HSPA9: variants seen among roughly 807,000 people sequenced by gnomAD.
HSPA9 encodes heat shock protein family A (Hsp70) member 9.
Under a neutral mutation model 81.5 loss-of-function variants are expected in HSPA9, and 28 were observed. The ratio of observed to expected loss-of-function variants is 0.34; its 90% CI spans 0.25 to 0.47. HSPA9 has a LOEUF of 0.47. HSPA9 is among the 20% of genes least tolerant of loss of function. The pLI is 1.00. For synonymous variants in HSPA9, 293 were observed against 290.4 expected, an observed-to-expected ratio of 1.01 and a Z score of -0.09; for missense variants, 678 against 838.0, an observed-to-expected ratio of 0.81 and a Z score of 2.36.
intron 5 of HSPA9, among the ~76,000 whole-genome samples, chr5:138,568,588 C>T (rs1750815253): frequency 6.6e-6 from 1 of 152,176 alleles, no homozygotes; most frequent in Non-Finnish European, 1.5e-5. Context: ...GTTCACTAAA[C>T]TACAATGACC....
rs774116913 is a variant in HSPA9, at chr5:138,557,986, T to G, written c.1516A>C (p.Ile506Leu). 1.3e-5 allele frequency: 21 copies of G among 1,587,638 alleles called. No individual in the cohort carries two copies. The highest frequency in any genetic ancestry group is 1.8e-5 in the Non-Finnish European group (21 of 1,156,586). Reference sequence around the variant, plus strand: ...CCACGAGGGGCTGGTGGAATTCCAATCTAAAATAAATAATATCCAGAGTAA... The same window carrying G: ...CCACGAGGGGCTGGTGGAATTCCAAGCTAAAATAAATAATATCCAGAGTAA... ...DNKLLGQFTL[I>L]GIPPAPRGVP... Residue 506 changes from isoleucine to leucine, a missense_variant and splice_region_variant, in exon 13 of 17, where the codon ATT becomes CTT. By Grantham distance (5) the Ile-to-Leu change is conservative. Around this residue, in one of 4 missense-constraint regions of HSPA9, gnomAD observed 484 missense variants for 647.5 expected, o/e 0.75. Coordinates refer to ENST00000297185, the MANE Select transcript of HSPA9 (RefSeq NM_004134.7).
chr5:138,562,512 C>A (rs964852460), intron 9 of HSPA9, among the ~76,000 whole-genome samples: 32 of 151,912 alleles, frequency 2.1e-4, no homozygotes, highest in Non-Finnish European at 4.3e-4. Flanking sequence ...GATTGTGCCA[C>A]TGCACTCCAG....
rs1348943024 is a variant in HSPA9 at position 138,573,804 on chromosome 5, T to C, written c.187A>G (p.Thr63Ala). 2 of 1,613,642 alleles carry C rather than the reference T, an allele frequency of 1.2e-6. No individual in the cohort carries two copies. Among genetic ancestry groups the C allele is most frequent in the Non-Finnish European group, 8.5e-7 (1 of 1,179,640 alleles). The change falls in exon 3 of 17, where the codon ACC becomes GCC. Residue 63 changes from threonine to alanine, a missense_variant. By Grantham distance (58) the Thr-to-Ala change is moderately conservative (BLOSUM62 0). Coordinates refer to ENST00000297185, the MANE Select transcript of HSPA9 (RefSeq NM_004134.7). ...TCCATAACTGCCACGCAGGAGTTGGTAGTACCCAAATCAATACCAACAACT... is the reference window on the plus strand; with the variant it reads ...TCCATAACTGCCACGCAGGAGTTGGCAGTACCCAAATCAATACCAACAACT... ...GAVVGIDLGT[T>A]NSCVAVMEGK...
Position 138,554,751 on chromosome 5 carries a change from CTT to C in HSPA9, c.*1284_*1285del, listed in dbSNP as rs989052577. On this transcript the variant is annotated 3_prime_UTR_variant, in exon 17 of 17. Transcript: ENST00000297185. The stretch of plus-strand genomic sequence containing the variant: ...AACATAAGGGAAATGTGCTGGAAGA[CTT>C]TTGGGAAATCTTAACATTGAATAAA... 2 of 152,162 alleles carry C rather than the reference CTT, an allele frequency of 1.3e-5. No individual in the cohort carries two copies. The highest frequency in any genetic ancestry group is 2.4e-5 in the African/African-American group (1 of 41,440). 9.4% of individuals were successfully genotyped at this position (152,162 alleles called of 1,614,324 possible). A position where few individuals can be genotyped will look rare whatever the true frequency, so the allele number is the denominator to read the frequency against.
intron 4 of HSPA9, among the ~76,000 whole-genome samples, chr5:138,569,626 CCAGT>C (rs966183594): frequency 4.8e-4 from 73 of 151,804 alleles, no homozygotes; most frequent in African/African-American, 1.6e-3. Flanking sequence ...GTGAAAGAAG[CCAGT>C]CATAGAGGTC....
In HSPA9 at chr5:138,553,968, C is replaced by T. The variant is rs550293620; in HGVS notation, c.*2069G>A. On this transcript the variant is annotated 3_prime_UTR_variant, in exon 17 of 17. Coordinates refer to ENST00000297185, the MANE Select transcript of HSPA9 (RefSeq NM_004134.7). Reference sequence around the variant, plus strand: ...TTCTTCTAACCTCGGACTAGGACACCACTGTGTTCCTGGTCACTGAAATTT... The same window carrying T: ...TTCTTCTAACCTCGGACTAGGACACTACTGTGTTCCTGGTCACTGAAATTT... Among the ~76,000 whole-genome samples the T allele has an allele frequency of 3.4e-4, 52 of 152,276 alleles. 1 individual carries two copies. In the South Asian group the frequency reaches 0.01, roughly 30 times the overall value.
rs1055516523 is a variant in HSPA9, at chr5:138,554,474, C to T, written c.*1563G>A. Among the ~76,000 whole-genome samples, 16 of 152,200 alleles carry T rather than the reference C, an allele frequency of 1.1e-4. No individual in the cohort carries two copies. Among genetic ancestry groups the T allele is most frequent in the African/African-American group, 3.9e-4 (16 of 41,458 alleles). On this transcript the variant is annotated 3_prime_UTR_variant, in exon 17 of 17. Coordinates refer to ENST00000297185, the MANE Select transcript of HSPA9 (RefSeq NM_004134.7). ...GTGTTCATGTGGTTGGAAACCTGAG[C>T]CTAGAATTTTTCACGAATCCCAAGA...
At chr5:138,561,317 TAC>T (rs956447501) in intron 10 of HSPA9, among the ~76,000 whole-genome samples, 1 of 151,922 alleles carries the variant, frequency 6.6e-6, no homozygotes, top group African/African-American at 2.4e-5. Context: ...CATACATACA[TAC>T]ATATATATAT....
intron 3 of HSPA9, among the ~76,000 whole-genome samples, chr5:138,571,798 A>T (rs1266534995): frequency 7.8e-6 from 1 of 128,118 alleles, no homozygotes; most frequent in Non-Finnish European, 1.7e-5. Context: ...GCCTGCCACC[A>T]CACCCAACTA....
intron 10 of HSPA9, among the ~76,000 whole-genome samples, chr5:138,561,336 T>C (rs974809005): frequency 7.2e-5 from 11 of 152,120 alleles, no homozygotes; most frequent in African/African-American, 2.4e-4. Context: ...ATATATAAAT[T>C]AGACTCATGT....
At position 138,567,452 on chromosome 5, in the gene HSPA9, T is replaced by C; in HGVS notation, c.716+3A>G. ...AGGTGAGAAATTTACTGCACAAACT[T>C]ACACTTTGTCTTCTGATTTGTCTAG... On this transcript the variant is annotated splice_donor_region_variant and intron_variant, in intron 7 of 16. Coordinates refer to ENST00000297185, the MANE Select transcript of HSPA9 (RefSeq NM_004134.7). 8.1e-6 allele frequency: 13 copies of C among 1,604,774 alleles called. No individual in the cohort carries two copies. The highest frequency in any genetic ancestry group is 1.1e-5 in the Non-Finnish European group (13 of 1,171,532).
chr5:138,559,165 G>C (rs1389680617), intron 11 of HSPA9: 1 of 197,576 alleles, frequency 5.1e-6, no homozygotes, highest in Non-Finnish European at 1.1e-5. Flanking sequence ...GAGTGCAGTG[G>C]CATGACCTCA....
intron 10 of HSPA9, among the ~76,000 whole-genome samples, chr5:138,560,353 T>G (rs1750627357): frequency 6.6e-6 from 1 of 152,194 alleles, no homozygotes; most frequent in African/African-American, 2.4e-5. Flanking sequence ...TTATCTGCTT[T>G]CCTACACAAC....
rs1038156613 is a variant in HSPA9, at chr5:138,555,839, G to A, written c.*198C>T. ...ACAGGCTAGGGACATAGAATATTGTGAACTTTATACTGTTAGAATCACTGT... is the reference window on the plus strand; with the variant it reads ...ACAGGCTAGGGACATAGAATATTGTAAACTTTATACTGTTAGAATCACTGT... On this transcript the variant is annotated 3_prime_UTR_variant, in exon 17 of 17. Coordinates refer to ENST00000297185, the MANE Select transcript of HSPA9 (RefSeq NM_004134.7). 7 of 606,692 alleles carry A rather than the reference G, an allele frequency of 1.2e-5. No homozygotes were observed. The allele number at this position is 606,692 out of a possible 1,614,324, so 37.6% of individuals were successfully genotyped here. A position where few individuals can be genotyped will look rare whatever the true frequency, so the allele number is the denominator to read the frequency against.
In HSPA9 at chr5:138,555,835, T is replaced by C. The variant is rs945870027; in HGVS notation, c.*202A>G. On this transcript the variant is annotated 3_prime_UTR_variant, in exon 17 of 17. Transcript: ENST00000297185. ...AATGACAGGCTAGGGACATAGAATA[T>C]TGTGAACTTTATACTGTTAGAATCA... 2.0e-5 allele frequency: 12 copies of C among 604,242 alleles called. No individual in the cohort carries two copies. Among genetic ancestry groups the C allele is most frequent in the Admixed American group, 5.7e-5 (2 of 34,962 alleles). The allele number at this position is 604,242 out of a possible 1,614,324, so 37.4% of individuals were successfully genotyped here.
chr5:138,567,832 T>C (rs1045776600), intron 5 of HSPA9, 110 bp from the exon 6 acceptor site: 3 of 810,652 alleles, frequency 3.7e-6, no homozygotes, highest in Non-Finnish European at 6.3e-6. Flanking sequence ...CTTCAGTCTT[T>C]TGGTAAGTGA....
At chr5:138,557,662 A>C (rs911833025) in intron 13 of HSPA9, among the ~76,000 whole-genome samples, 166 bp from the exon 14 acceptor site, 5 of 152,234 alleles carry the variant, frequency 3.3e-5, no homozygotes, top group African/African-American at 1.2e-4. Context: ...CCAAGGACCC[A>C]ATATATACAC....
chr5:138,569,056 G>T lies in HSPA9; in HGVS notation c.411-7C>A. 9 of 1,613,138 alleles carry T rather than the reference G, an allele frequency of 5.6e-6. No homozygotes were observed. The highest frequency in any genetic ancestry group is 7.6e-6 in the Non-Finnish European group (9 of 1,179,328). On this transcript the variant is annotated splice_region_variant and splice_polypyrimidine_tract_variant and intron_variant, in intron 4 of 16. Transcript: ENST00000297185. ...TTTAAAGGGAACATTTTTACTGTAA[G>T]ACACAAAAATTCTATTAGAGAAAAC...
In HSPA9 at chr5:138,557,437, C is replaced by A. The variant is rs956697322; in HGVS notation, c.1693G>T (p.Ala565Ser). Residue 565 changes from alanine to serine, a missense_variant, in exon 14 of 17, where the codon GCA (alanine) becomes TCA (serine). By Grantham distance (99) the Ala-to-Ser change is moderately conservative. This residue lies in a region of HSPA9 where 484 missense variants were observed against 647.5 expected (regional missense o/e 0.75). Coordinates refer to ENST00000297185, the MANE Select transcript of HSPA9 (RefSeq NM_004134.7). The part of the protein sequence containing the change: ...KDDIENMVKN[A>S]EKYAEEDRRK... ...CGGTCTTCTTCAGCATATTTCTCTGCATTTTTAACCATATTTTCAATATCA... is the reference window on the plus strand; with the variant it reads ...CGGTCTTCTTCAGCATATTTCTCTGAATTTTTAACCATATTTTCAATATCA... 1.9e-6 allele frequency: 3 copies of A among 1,611,100 alleles called. No individual in the cohort carries two copies. In the African/African-American group the frequency reaches 4.0e-5, roughly 22 times the overall value.
Sources: gnomAD v4.1 joint callset for allele counts (sites outside exome capture counted in the v4.1 genomes callset) on GRCh38, gnomAD v4.1.1 for gene constraint, gnomAD v4.1.1 regional missense constraint, MANE v1.5 for transcripts, NCBI Gene and HGNC (gene_info 2026-07-23, HGNC 2026-07-21) for gene names.